RBFOX1: variants seen among roughly 807,000 people sequenced by gnomAD.
RBFOX1 encodes the protein RNA binding protein fox-1 homolog 1.
RBFOX1 carries 8 observed loss-of-function variants against 57.7 expected under a neutral mutation model. The ratio of observed to expected loss-of-function variants is 0.14; its 90% CI spans 0.08 to 0.25. RBFOX1 has a LOEUF of 0.25. Among genes scored for constraint, RBFOX1 ranks in the 10% least tolerant of loss-of-function variants. RBFOX1 has a pLI of 1.00. For synonymous variants in RBFOX1, 326 were observed against 222.4 expected (o/e 1.47, Z -4.15); for missense variants, 611 against 548.5 (o/e 1.11, Z -1.14).
chr16:5,361,785 C>T, intron 1 of RBFOX1, among the ~76,000 whole-genome samples: 1 of 152,206 alleles, frequency 6.6e-6, no homozygotes, highest in East Asian at 1.9e-4. Context: ...TCAGGTGAGC[C>T]TGCCTGGTTT....
intron 10 of RBFOX1, among the ~76,000 whole-genome samples, chr16:7,611,946 G>A (rs1018456459): frequency 1.3e-5 from 2 of 152,088 alleles, no homozygotes; most frequent in Non-Finnish European, 2.9e-5. Flanking sequence ...CAGGAGAGAT[G>A]GGTAGTTTTC....
intron 1 of RBFOX1, among the ~76,000 whole-genome samples, chr16:5,432,233 A>G (rs1340494421): frequency 6.6e-6 from 1 of 152,180 alleles, no homozygotes; most frequent in African/African-American, 2.4e-5. Context: ...ATGGGACAGA[A>G]TCAAATCGGC....
chr16:7,096,570 G>C (rs192264058), intron 4 of RBFOX1, among the ~76,000 whole-genome samples: 4 of 152,032 alleles, frequency 2.6e-5, no homozygotes, highest in African/African-American at 9.7e-5. Flanking sequence ...ACCCATCCCT[G>C]ATACTCAACA....
At position 5,317,826 on chromosome 16, in the gene RBFOX1, C is replaced by T. The variant is rs1360401034; in HGVS notation, c.219+77721C>T. ...CCATTTTAAGTTTACAATTCAGTGG[C>T]GTGAAGCACCTTCATACTGTTGTGT... On this transcript the variant is annotated intron_variant, in intron 1 of 2. Transcript: ENST00000585867. Among the ~76,000 whole-genome samples the T allele has an allele frequency of 6.6e-5, 10 of 152,244 alleles. No individual in the cohort carries two copies. The East Asian group carries it at 1.2e-3, about 18-fold the overall frequency.
At chr16:6,981,310 C>G (rs867775265) in intron 3 of RBFOX1, among the ~76,000 whole-genome samples, 2 of 152,168 alleles carry the variant, frequency 1.3e-5, no homozygotes, top group South Asian at 2.1e-4. Context: ...TTGTCCCCCT[C>G]TATGTGTCCA....
At chr16:5,799,748 AG>A (rs2054998486) in intron 3 of RBFOX1, among the ~76,000 whole-genome samples, 1 of 152,176 alleles carries the variant, frequency 6.6e-6, no homozygotes, top group African/African-American at 2.4e-5. Context: ...TCAACATACA[AG>A]GGGTTTTTTG....
At chr16:6,363,472 A>C (rs767479291) in intron 2 of RBFOX1, among the ~76,000 whole-genome samples, 7 of 152,192 alleles carry the variant, frequency 4.6e-5, no homozygotes, top group Non-Finnish European at 8.8e-5. Flanking sequence ...TCTAGCGTGG[A>C]ATGGATGGGT....
chr16:5,998,709 G>A (rs1201114152), intron 4 of RBFOX1, among the ~76,000 whole-genome samples: 3 of 152,122 alleles, frequency 2.0e-5, no homozygotes, highest in Non-Finnish European at 2.9e-5. Context: ...CAGAATATGA[G>A]AACTTTACCC....
chr16:5,828,067 A>G (rs2056136651), intron 3 of RBFOX1, among the ~76,000 whole-genome samples: 1 of 151,328 alleles, frequency 6.6e-6, no homozygotes, highest in African/African-American at 2.4e-5. Context: ...CCATCCATCC[A>G]TCCTTTCAGC....
intron 4 of RBFOX1, among the ~76,000 whole-genome samples, chr16:7,433,933 G>A (rs2149673793): frequency 6.6e-6 from 1 of 152,324 alleles, no homozygotes; most frequent in African/African-American, 2.4e-5. Context: ...AGGTATGTTA[G>A]ACAATTCATT....
chr16:6,042,553 G>T (rs1009251453), intron 1 of RBFOX1, among the ~76,000 whole-genome samples: 2 of 152,086 alleles, frequency 1.3e-5, no homozygotes, highest in African/African-American at 2.4e-5. Flanking sequence ...ACAGGTTTTT[G>T]GGAATAGGAG....
intron 4 of RBFOX1, among the ~76,000 whole-genome samples, chr16:5,919,806 C>G (rs949906207): frequency 2.6e-5 from 4 of 152,192 alleles, no homozygotes. Context: ...GGAAGTTACT[C>G]ATCTACTTTC....
At chr16:6,927,469 A>G (rs907745748) in intron 3 of RBFOX1, among the ~76,000 whole-genome samples, 3 of 146,058 alleles carry the variant, frequency 2.1e-5, no homozygotes, top group Non-Finnish European at 4.5e-5. Flanking sequence ...CAGGCTGATC[A>G]TTATTTTCAA....
chr16:5,598,688 C>A (rs1034154839), intron 2 of RBFOX1, among the ~76,000 whole-genome samples: 1 of 152,134 alleles, frequency 6.6e-6, no homozygotes, highest in Non-Finnish European at 1.5e-5. Context: ...ATGAGACTAG[C>A]CACGGGGCTT....
intron 3 of RBFOX1, among the ~76,000 whole-genome samples, chr16:5,779,196 C>T (rs1014760933): frequency 2.6e-5 from 4 of 152,276 alleles, no homozygotes; most frequent in East Asian, 3.9e-4. Flanking sequence ...TTTCCTTCCC[C>T]CCTCACGTCG....
chr16:5,653,040 T>G (rs1202276240), intron 3 of RBFOX1, among the ~76,000 whole-genome samples: 1 of 149,236 alleles, frequency 6.7e-6, no homozygotes, highest in Non-Finnish European at 1.5e-5. Context: ...GTGCGGAAAG[T>G]GGGGTGCTGA....
At chr16:6,374,521 C>G (rs2090916123) in intron 2 of RBFOX1, among the ~76,000 whole-genome samples, 2 of 151,928 alleles carry the variant, frequency 1.3e-5, no homozygotes, top group Admixed American at 6.6e-5. Context: ...ATTATGTGTT[C>G]TAGTGTCTTT....
chr16:5,995,018 TA>T (rs1223692830), intron 4 of RBFOX1, among the ~76,000 whole-genome samples: 1 of 152,214 alleles, frequency 6.6e-6, no homozygotes, highest in African/African-American at 2.4e-5. Context: ...GGTTGGGAGA[TA>T]TTTTTTTCCC....
intron 2 of RBFOX1, among the ~76,000 whole-genome samples, chr16:6,550,867 C>T (rs941991374): frequency 6.6e-6 from 1 of 152,178 alleles, no homozygotes; most frequent in Non-Finnish European, 1.5e-5. Context: ...ATATTTAATT[C>T]TGGTGAGTTC....
Sources: gnomAD v4.1 joint callset for allele counts (sites outside exome capture counted in the v4.1 genomes callset) on GRCh38, gnomAD v4.1.1 for gene constraint, MANE v1.5 for transcripts, NCBI Gene and HGNC (gene_info 2026-07-23, HGNC 2026-07-21) for gene names.